GFRA2: variants seen among roughly 807,000 people sequenced by gnomAD.
GFRA2 encodes GDNF family receptor alpha 2, also known as GDNF family receptor alpha-2.
GFRA2 carries 17 observed loss-of-function variants against 48.3 expected under a neutral mutation model. That is an observed-to-expected ratio of 0.35 (90% confidence interval 0.24 to 0.53). The LOEUF is 0.53. Ranked by LOEUF, GFRA2 falls within the 20% of genes least tolerant of loss-of-function variation. The probability of loss-of-function intolerance (pLI) is 0.93; values close to 1 mark genes in which losing one functional copy is unlikely to be tolerated. For synonymous variants in GFRA2, 305 were observed against 257.2 expected, an observed-to-expected ratio of 1.19 and a Z score of -1.78; for missense variants, 660 against 637.3, an observed-to-expected ratio of 1.04 and a Z score of -0.38.
chr8:21,706,551 G>A lies in GFRA2; in HGVS notation c.795-510C>T, dbSNP rs886753442. 3.1e-5 allele frequency: 13 copies of A among 417,856 alleles called. No homozygotes were observed. In the Admixed American group the frequency reaches 3.1e-4, roughly 10 times the overall value. The allele number at this position is 417,856 out of a possible 1,614,324, so 25.9% of individuals were successfully genotyped here. On this transcript the variant is annotated intron_variant, in intron 4 of 8. Transcript: ENST00000524240. The stretch of plus-strand genomic sequence containing the variant: ...GGTCAAGGAAGCCAGTGGCCAGGGA[G>A]GCAAAAGAGTCTCCCTGGGTGAGAC...
chr8:21,748,556 G>A (rs1166371190), intron 4 of GFRA2, among the ~76,000 whole-genome samples: 9 of 152,138 alleles, frequency 5.9e-5, no homozygotes, highest in African/African-American at 2.2e-4. Flanking sequence ...CACTATCTTA[G>A]TCTGGAGCAC....
intron 3 of GFRA2, among the ~76,000 whole-genome samples, chr8:21,773,169 C>T (rs1806518736): frequency 6.6e-6 from 1 of 152,254 alleles, no homozygotes. Flanking sequence ...GGGAAGGACT[C>T]TCAGCCCCAT....
chr8:21,747,801 CGCAT>C (rs1311079172), intron 4 of GFRA2, among the ~76,000 whole-genome samples: 3 of 149,672 alleles, frequency 2.0e-5, no homozygotes, highest in African/African-American at 7.4e-5. Context: ...CACACACACA[CGCAT>C]GCACACACAT....
intron 3 of GFRA2, among the ~76,000 whole-genome samples, chr8:21,759,009 A>G (rs1354759733): frequency 6.6e-6 from 1 of 152,230 alleles, no homozygotes; most frequent in East Asian, 1.9e-4. Flanking sequence ...GCCAGGCCCT[A>G]AAATCCAGCT....
intron 4 of GFRA2, among the ~76,000 whole-genome samples, chr8:21,745,658 G>A (rs900523401): frequency 6.6e-6 from 1 of 152,236 alleles, no homozygotes; most frequent in Non-Finnish European, 1.5e-5. Context: ...CCATGACCCA[G>A]CTTCCTGCTC....
intron 2 of GFRA2, among the ~76,000 whole-genome samples, chr8:21,780,200 C>T (rs1215560506): frequency 6.6e-6 from 1 of 152,038 alleles, no homozygotes; most frequent in African/African-American, 2.4e-5. Flanking sequence ...CTCCCTCCAG[C>T]AGGAGGGCCC....
chr8:21,719,731 T>C (rs560140678), intron 4 of GFRA2, among the ~76,000 whole-genome samples: 3 of 152,352 alleles, frequency 2.0e-5, no homozygotes, highest in South Asian at 4.1e-4. Flanking sequence ...CGGTTCTTGC[T>C]GGTGGTACGA....
intron 3 of GFRA2, among the ~76,000 whole-genome samples, chr8:21,754,264 C>CT (rs1340729244): frequency 6.6e-6 from 1 of 152,162 alleles, no homozygotes. Context: ...CAGGCAGGTG[C>CT]TATGCAATAG....
At position 21,772,871 on chromosome 8, in the gene GFRA2, G is replaced by A. The variant is rs1346623775; in HGVS notation, c.439+2101C>T. Among the ~76,000 whole-genome samples the A allele has an allele frequency of 1.1e-4, 17 of 152,190 alleles. 1 individual carries two copies. The highest frequency in any genetic ancestry group is 7.2e-5 in the African/African-American group (3 of 41,462). ...GAGCAGAAGGGGCTTGGGCTAAGGC[G>A]AGGATCTCTACGCTTCAACATCCAG... On this transcript the variant is annotated intron_variant, in intron 3 of 8. Coordinates refer to ENST00000524240, the MANE Select transcript of GFRA2 (RefSeq NM_001495.5).
intron 4 of GFRA2, among the ~76,000 whole-genome samples, chr8:21,747,883 G>A (rs1337931786): frequency 2.0e-5 from 3 of 151,698 alleles, no homozygotes; most frequent in African/African-American, 4.8e-5. Flanking sequence ...TACACACTCT[G>A]TGAGACACCA....
chr8:21,748,364 C>T (rs1401884188), intron 4 of GFRA2, among the ~76,000 whole-genome samples: 1 of 152,126 alleles, frequency 6.6e-6, no homozygotes, highest in Non-Finnish European at 1.5e-5. Flanking sequence ...TTCAACTAAC[C>T]TTATGGAATG....
intron 7 of GFRA2, among the ~76,000 whole-genome samples, chr8:21,701,047 G>A (rs144330488): frequency 2.0e-5 from 3 of 152,348 alleles, no homozygotes; most frequent in East Asian, 1.9e-4. Flanking sequence ...AGGCAGGGGC[G>A]AGGGCTTATT....
chr8:21,759,657 G>C (rs1382460921), intron 3 of GFRA2, among the ~76,000 whole-genome samples: 4 of 152,062 alleles, frequency 2.6e-5, no homozygotes, highest in Admixed American at 6.6e-5. Context: ...GGGAGGCTGA[G>C]GTAGGTGGAT....
chr8:21,775,511 C>T (rs1806649246), intron 2 of GFRA2, among the ~76,000 whole-genome samples: 1 of 152,178 alleles, frequency 6.6e-6, no homozygotes, highest in Non-Finnish European at 1.5e-5. Context: ...AAGAAACCTG[C>T]CTGAGATCAC....
At chr8:21,716,596 A>G (rs1368736788) in intron 4 of GFRA2, among the ~76,000 whole-genome samples, 1 of 152,234 alleles carries the variant, frequency 6.6e-6, no homozygotes, top group African/African-American at 2.4e-5. Context: ...GACAACGGCT[A>G]TACTGTCTAC....
At chr8:21,805,594 T>A (rs1332073282) in intron 1 of GFRA2, among the ~76,000 whole-genome samples, 1 of 152,186 alleles carries the variant, frequency 6.6e-6, no homozygotes, top group Admixed American at 6.5e-5. Flanking sequence ...CCCTCATTAA[T>A]AGGGTCTGGT....
At position 21,694,077 on chromosome 8, in the gene GFRA2, T is replaced by TATATATATATATATATATATA. The variant is rs1338101835; in HGVS notation, c.1272+386_1272+387insTATATATATATATATATATAT. On this transcript the variant is annotated intron_variant, in intron 8 of 8. Coordinates refer to ENST00000524240, the MANE Select transcript of GFRA2 (RefSeq NM_001495.5). ...TATTTATATATATATTTATTTATTT[T>TATATATATATATATATATATA]TATATATATATATATTTCCTATAGT... is the stretch of plus-strand genomic sequence containing the variant. Among the ~76,000 whole-genome samples the TATATATATATATATATATATA allele has an allele frequency of 6.4e-3, 699 of 109,156 alleles. 68 individuals are homozygous for TATATATATATATATATATATA. Among genetic ancestry groups the TATATATATATATATATATATA allele is most frequent in the South Asian group, 0.011 (37 of 3,298 alleles). The allele number at this position is 109,156 out of a possible 152,430, so 71.6% of individuals were successfully genotyped here. A position where few individuals can be genotyped will look rare whatever the true frequency, so the allele number is the denominator to read the frequency against.
chr8:21,793,317 G>T (rs1348771999), upstream of GFRA2, among the ~76,000 whole-genome samples: 2 of 152,140 alleles, frequency 1.3e-5, no homozygotes, highest in Non-Finnish European at 2.9e-5. Flanking sequence ...GGGCCAATTA[G>T]GAGGTGATTG....
chr8:21,810,811 C>T (rs1807964435), intron 1 of GFRA2, among the ~76,000 whole-genome samples: 1 of 152,180 alleles, frequency 6.6e-6, no homozygotes, highest in Non-Finnish European at 1.5e-5. Flanking sequence ...AGTGAGGCTC[C>T]TCTCCTGGGA....
Sources: allele counts gnomAD v4.1 joint callset (sites outside exome capture counted in the v4.1 genomes callset), GRCh38; gene constraint gnomAD v4.1.1; transcripts MANE v1.5; gene names NCBI Gene and HGNC (gene_info 2026-07-23, HGNC 2026-07-21).